The following CD9 variants were observed in gnomAD, a reference collection of about 807,000 sequenced individuals.
CD9 encodes the protein CD9 molecule.
CD9 carries 10 observed loss-of-function variants against 31.4 expected under a neutral mutation model. The observed-to-expected ratio is 0.32, with a 90% CI of 0.20 to 0.54. The LOEUF (loss-of-function observed/expected upper bound fraction) is 0.54, where lower values mean the gene tolerates loss of function less well. CD9 is among the 20% of genes least tolerant of loss of function. The pLI, the probability that CD9 is intolerant of heterozygous loss-of-function variation, is 0.94. For synonymous variants in CD9, 113 were observed against 114.1 expected, an observed-to-expected ratio of 0.99 and a Z score of 0.06; for missense variants, 259 against 300.1, an observed-to-expected ratio of 0.86 and a Z score of 1.01.
rs1194641675 is a variant in CD9, at chr12:6,232,894, C to T, written c.273+165C>T. The T allele has an allele frequency of 1.4e-5, 10 of 704,002 alleles. No homozygotes were observed. Among genetic ancestry groups the T allele is most frequent in the African/African-American group, 5.2e-5 (3 of 57,354 alleles). The allele number at this position is 704,002 out of a possible 1,614,324, so 43.6% of individuals were successfully genotyped here. On this transcript the variant is annotated intron_variant, in intron 3 of 7. Coordinates refer to ENST00000009180, the MANE Select transcript of CD9 (RefSeq NM_001769.4). The surrounding 1 kb of genome is among the most constrained non-coding windows in gnomAD (Gnocchi z 4.8). Reference sequence around the variant, plus strand: ...TGGGCCCCTCCCCGATGTGAGGCGTCGCCCCTCTTCCTTTCTGGAGCCTGT... The same window carrying T: ...TGGGCCCCTCCCCGATGTGAGGCGTTGCCCCTCTTCCTTTCTGGAGCCTGT...
intron 4 of CD9, among the ~76,000 whole-genome samples, chr12:6,234,817 G>C (rs1946494343): frequency 6.6e-6 from 1 of 152,214 alleles, no homozygotes; most frequent in Non-Finnish European, 1.5e-5. Flanking sequence ...CATACAGAGA[G>C]GCTTAGTAAT....
At chr12:6,234,071 CTT>C (rs1011981720) in intron 4 of CD9, among the ~76,000 whole-genome samples, 1 of 151,206 alleles carries the variant, frequency 6.6e-6, no homozygotes, top group Non-Finnish European at 1.5e-5. Context: ...AAGGGAATCT[CTT>C]TTGGCTTCAT....
intron 1 of CD9, among the ~76,000 whole-genome samples, chr12:6,202,852 T>C (rs907465428): frequency 2.6e-5 from 4 of 152,226 alleles, no homozygotes; most frequent in Non-Finnish European, 5.9e-5. Flanking sequence ...TGGGGTGATT[T>C]ACCCAGGATC....
chr12:6,206,261 G>A (rs550017671), intron 1 of CD9, among the ~76,000 whole-genome samples: 80 of 151,570 alleles, frequency 5.3e-4, no homozygotes, highest in Non-Finnish European at 1.1e-3. Flanking sequence ...TGTCACCCAG[G>A]CTGGAGTGCA....
chr12:6,206,655 A>G (rs1946136060), intron 1 of CD9, among the ~76,000 whole-genome samples: 1 of 152,212 alleles, frequency 6.6e-6, no homozygotes, highest in South Asian at 2.1e-4. Context: ...GTAGAAAGCA[A>G]CATCCTGTCC....
rs771179837 is a variant in CD9 at position 6,235,581 on chromosome 12, G to T, written c.537+16G>T. 6 of 1,601,086 alleles carry T rather than the reference G, an allele frequency of 3.7e-6. No individual in the cohort carries two copies. The highest frequency in any genetic ancestry group is 3.3e-4 in the Middle Eastern group (2 of 6,022). ...CACCGTGAAGGTAAACTCAGACCAG[G>T]ATCCTGGTGTCCCTGCCCCCATTGC... On this transcript the variant is annotated intron_variant, in intron 6 of 7. Coordinates refer to ENST00000009180, the MANE Select transcript of CD9 (RefSeq NM_001769.4).
intron 7 of CD9, chr12:6,236,813 GCTCA>G (rs1379754279): frequency 4.2e-6 from 1 of 238,176 alleles, no homozygotes; most frequent in Non-Finnish European, 8.0e-6. Flanking sequence ...GATGGCCTTG[GCTCA>G]CTGAGTCTTC....
rs147406405 is a variant in CD9 at position 6,215,621 on chromosome 12, C to T, written c.67-9805C>T. 2.2e-3 allele frequency among the ~76,000 whole-genome samples: 331 copies of T among 152,260 alleles called. 3 individuals carry two copies. Among genetic ancestry groups the T allele is most frequent in the African/African-American group, 6.6e-3 (276 of 41,546 alleles). On this transcript the variant is annotated intron_variant, in intron 1 of 7. Transcript: ENST00000009180. The stretch of plus-strand genomic sequence containing the variant: ...TGAGCACTGCCTTCAGACAGTGGCT[C>T]GGTAGAAGTCCCAAGAGCAGAAGTT...
intron 1 of CD9, among the ~76,000 whole-genome samples, chr12:6,222,048 A>C (rs1018440804): frequency 6.6e-6 from 1 of 152,138 alleles, no homozygotes; most frequent in African/African-American, 2.4e-5. Context: ...GAGCCCCTCT[A>C]TGCCACACCA....
intron 2 of CD9, among the ~76,000 whole-genome samples, chr12:6,226,684 G>A (rs1044671966): frequency 2.7e-4 from 41 of 152,106 alleles, no homozygotes; most frequent in Non-Finnish European, 5.1e-4. Flanking sequence ...GGGGTTTTTT[G>A]GGGTGTGTCT....
At chr12:6,237,105 G>A (rs768328322) in intron 7 of CD9, among the ~76,000 whole-genome samples, 2 of 151,966 alleles carry the variant, frequency 1.3e-5, no homozygotes, top group South Asian at 4.2e-4. Context: ...TCAGCCTCCC[G>A]AGTAGCTGGG....
intron 1 of CD9, among the ~76,000 whole-genome samples, chr12:6,220,151 C>CA (rs1946279478): frequency 6.6e-6 from 1 of 152,110 alleles, no homozygotes; most frequent in Non-Finnish European, 1.5e-5. Context: ...TTGGCTTGCT[C>CA]AGGGGTTGCA....
chr12:6,205,284 G>A (rs550944397), intron 1 of CD9, among the ~76,000 whole-genome samples: 1 of 152,312 alleles, frequency 6.6e-6, no homozygotes, highest in East Asian at 1.9e-4. Context: ...CAGTGGGTGT[G>A]AACAACAAAG....
At chr12:6,207,789 G>C (rs556126479) in intron 1 of CD9, among the ~76,000 whole-genome samples, 1 of 152,330 alleles carries the variant, frequency 6.6e-6, no homozygotes, top group South Asian at 2.1e-4. Context: ...TCCAGAGGAG[G>C]TCCCGGTAGA....
At chr12:6,215,330 CTGAT>C (rs917574800) in intron 1 of CD9, among the ~76,000 whole-genome samples, 4 of 152,276 alleles carry the variant, frequency 2.6e-5, no homozygotes, top group Middle Eastern at 6.8e-3. Flanking sequence ...TCTGTCCTTC[CTGAT>C]TATTGGTGTG....
intron 1 of CD9, among the ~76,000 whole-genome samples, chr12:6,223,262 T>A (rs1343254643): frequency 8.0e-5 from 2 of 24,858 alleles, no homozygotes; most frequent in Non-Finnish European, 1.4e-4. Flanking sequence ...ACCTTTGTAC[T>A]TTTTTTTTTT....
chr12:6,210,854 T>A (rs77771438), intron 1 of CD9, among the ~76,000 whole-genome samples: 1 of 130,346 alleles, frequency 7.7e-6, no homozygotes, highest in Non-Finnish European at 1.7e-5. Flanking sequence ...TTTTTTTTTT[T>A]TGAGAAGGAG....
chr12:6,218,399 A>G (rs1389121294), intron 1 of CD9, among the ~76,000 whole-genome samples: 1 of 152,180 alleles, frequency 6.6e-6, no homozygotes, highest in Non-Finnish European at 1.5e-5. Context: ...AGTGGCATGC[A>G]GTATGCCCTC....
intron 1 of CD9, among the ~76,000 whole-genome samples, chr12:6,222,402 A>G (rs1223602467): frequency 6.6e-6 from 1 of 152,160 alleles, no homozygotes; most frequent in Non-Finnish European, 1.5e-5. Flanking sequence ...GTGAGTTGTT[A>G]AGCCTGTGAG....
Sources: gnomAD v4.1 joint callset for allele counts (sites outside exome capture counted in the v4.1 genomes callset) on GRCh38, gnomAD v4.1.1 for gene constraint, Gnocchi (gnomAD v3.1) non-coding constraint, MANE v1.5 for transcripts, NCBI Gene and HGNC (gene_info 2026-07-23, HGNC 2026-07-21) for gene names.